The following TNPO2 variants were observed in gnomAD, a reference collection of about 807,000 sequenced individuals.
TNPO2 encodes transportin-2.
In TNPO2, 16 loss-of-function variants were observed where a neutral mutation model predicts 111.1. The ratio of observed to expected loss-of-function variants is 0.14; its 90% CI spans 0.10 to 0.22. The LOEUF is 0.22. TNPO2 is among the 10% of genes least tolerant of loss of function. The pLI, the probability that TNPO2 is intolerant of heterozygous loss-of-function variation, is 1.00. For missense variants in TNPO2, 530 were observed against 1,173.7 expected (o/e 0.45, Z 8.01); for synonymous variants, 481 against 475.8 (o/e 1.01, Z -0.14).
In TNPO2 at chr19:12,703,331, T is replaced by C. The variant is rs568082643; in HGVS notation, c.2209+97A>G. On this transcript the variant is annotated intron_variant, in intron 20 of 25. Transcript: ENST00000425528. ...CCACCCCTGACGACCCCCAAGAGACTTGCCTTGAAGGAAGCTGTCAGTCAG... is the reference window on the plus strand; with the variant it reads ...CCACCCCTGACGACCCCCAAGAGACCTGCCTTGAAGGAAGCTGTCAGTCAG... 5.2e-6 allele frequency: 6 copies of C among 1,146,892 alleles called. No homozygotes were observed. In the Admixed American group the frequency reaches 1.1e-4, roughly 22 times the overall value. 71.0% of individuals were successfully genotyped at this position (1,146,892 alleles called of 1,614,324 possible).
At position 12,706,143 on chromosome 19, in the gene TNPO2, T is replaced by C. The variant is rs764407309; in HGVS notation, c.1668+53A>G. The C allele has an allele frequency of 1.3e-6, 2 of 1,584,212 alleles. No individual in the cohort carries two copies. Among genetic ancestry groups the C allele is most frequent in the Non-Finnish European group, 1.7e-6 (2 of 1,165,092 alleles). On this transcript the variant is annotated intron_variant, in intron 15 of 25. Coordinates refer to ENST00000425528, the MANE Select transcript of TNPO2 (RefSeq NM_001382241.1). This position sits in a 1 kb window ranked among gnomAD's most constrained non-coding sequence, Gnocchi z 7.0. ...CAACACGGGGTTGCCACCAGGTCAC[T>C]GGATGCCCAGGGGCACGGGGATCGG... is the stretch of plus-strand genomic sequence containing the variant.
At chr19:12,703,398 G>T (rs769051775) in intron 20 of TNPO2, 30 bp downstream of exon 20, 1 of 1,596,704 alleles carries the variant, frequency 6.3e-7, no homozygotes, top group Non-Finnish European at 8.6e-7. Context: ...GCTAATGGGG[G>T]GCGCGTGTTG....
At chr19:12,710,096 C>G (rs28699005) in intron 13 of TNPO2, among the ~76,000 whole-genome samples, 20,260 of 152,014 alleles carry the variant, frequency 0.13, 4,052 homozygotes, top group African/African-American at 0.43. Flanking sequence ...GAAAACCCCA[C>G]CGATTACAGA....
rs1424915326 is a variant in TNPO2 at position 12,706,803 on chromosome 19, G to A, written c.1271-8C>T. 3.1e-6 allele frequency: 5 copies of A among 1,594,796 alleles called. No homozygotes were observed. The highest frequency in any genetic ancestry group is 1.3e-5 in the African/African-American group (1 of 74,486). ...CCATGCCCTGCATGCAGCCTACAAG[G>A]AAAGGGAACCAAGAGGGGGCAGTTT... On this transcript the variant is annotated splice_polypyrimidine_tract_variant and splice_region_variant and intron_variant, in intron 13 of 25. Coordinates refer to ENST00000425528, the MANE Select transcript of TNPO2 (RefSeq NM_001382241.1). The surrounding 1 kb of genome is among the most constrained non-coding windows in gnomAD (Gnocchi z 7.0).
chr19:12,709,220 G>A (rs564760581), intron 13 of TNPO2, among the ~76,000 whole-genome samples: 1 of 151,766 alleles, frequency 6.6e-6, no homozygotes, highest in South Asian at 2.1e-4. Context: ...AAATTAGCTG[G>A]GCGTGGTGGC....
chr19:12,713,090 A>C (rs1599421761), intron 10 of TNPO2, among the ~76,000 whole-genome samples: 1 of 152,166 alleles, frequency 6.6e-6, no homozygotes, highest in Non-Finnish European at 1.5e-5. Flanking sequence ...CACTCAGTGG[A>C]TTATAGACCC....
Position 12,719,373 on chromosome 19 carries a change from T to A in TNPO2, c.100-37A>T. On this transcript the variant is annotated intron_variant, in intron 3 of 25. Transcript: ENST00000425528. The surrounding 1 kb of genome is among the most constrained non-coding windows in gnomAD (Gnocchi z 5.0). ...TTAAGGGACTTGGAAGACAGAGGCC[T>A]TCCCCCAGCCAGGTCCCCTCATTAT... The A allele has an allele frequency of 6.3e-7, 1 of 1,587,678 alleles. No homozygotes were observed. Among genetic ancestry groups the A allele is most frequent in the Non-Finnish European group, 8.6e-7 (1 of 1,157,132 alleles).
chr19:12,710,261 C>G (rs2025962997), intron 13 of TNPO2, among the ~76,000 whole-genome samples: 1 of 152,190 alleles, frequency 6.6e-6, no homozygotes, highest in Non-Finnish European at 1.5e-5. Flanking sequence ...GTTTCCCCAT[C>G]TTCGAAACTG....
At chr19:12,703,329 A>C in intron 20 of TNPO2, 99 bp downstream of exon 20, 2 of 1,110,730 alleles carry the variant, frequency 1.8e-6, no homozygotes, top group Non-Finnish European at 2.7e-6. Context: ...CCCCCAAGAG[A>C]CTTGCCTTGA....
At chr19:12,712,729 G>T (rs543678542) in intron 10 of TNPO2, among the ~76,000 whole-genome samples, 79 of 152,268 alleles carry the variant, frequency 5.2e-4, no homozygotes, top group African/African-American at 1.6e-3. Flanking sequence ...CTTCTGCCTT[G>T]TATGCAATAA....
At chr19:12,712,783 G>A (rs981577359) in intron 10 of TNPO2, among the ~76,000 whole-genome samples, 11 of 152,146 alleles carry the variant, frequency 7.2e-5, no homozygotes, top group South Asian at 6.2e-4. Context: ...CGGTCTCCGC[G>A]CATTGGTGGT....
chr19:12,717,268 C>CTTTTTT (rs554725285), intron 5 of TNPO2, among the ~76,000 whole-genome samples: 2 of 122,370 alleles, frequency 1.6e-5, no homozygotes, highest in Non-Finnish European at 3.3e-5. Flanking sequence ...CTTTTTCTCT[C>CTTTTTT]TTTTTTTTTT....
Position 12,721,077 on chromosome 19 carries a change from A to C in TNPO2, c.-13-87T>G. 1 of 1,531,180 alleles carries C rather than the reference A, an allele frequency of 6.5e-7. No homozygotes were observed. The highest frequency in any genetic ancestry group is 8.7e-7 in the Non-Finnish European group (1 of 1,144,612). The allele number at this position is 1,531,180 out of a possible 1,614,324, so 94.8% of individuals were successfully genotyped here. A position where few individuals can be genotyped will look rare whatever the true frequency, so the allele number is the denominator to read the frequency against. ...GAGCCCCTGAGGCCGCGGTGGCCGC[A>C]TGACGACGGGAACGCCCTCGGCGGA... On this transcript the variant is annotated intron_variant, in intron 2 of 25. Transcript: ENST00000425528. This position sits in a 1 kb window ranked among gnomAD's most constrained non-coding sequence, Gnocchi z 4.9.
rs866781975 is a variant in TNPO2 at position 12,705,278 on chromosome 19, G to T, written c.1984C>A (p.Arg662Ser). The T allele has an allele frequency of 6.2e-7, 1 of 1,604,926 alleles. No individual in the cohort carries two copies. Among genetic ancestry groups the T allele is most frequent in the East Asian group, 2.2e-5 (1 of 44,472 alleles). Residue 662 changes from arginine (R) to serine (S), a missense_variant, in exon 18 of 26, where the codon CGC becomes AGC. Around this residue, in one of 4 missense-constraint regions of TNPO2, gnomAD observed 183 missense variants for 481.0 expected, o/e 0.38. Transcript: ENST00000425528. This position sits in a 1 kb window ranked among gnomAD's most constrained non-coding sequence, Gnocchi z 7.2. The stretch of plus-strand genomic sequence containing the variant: ...AACAGCAATGTCATGATGTTGCTGC[G>T]GGCCACCAGCTGCTCCACGTGACCA... ...LGGHVEQLVA[R>S]SNIMTLLFQC...
rs532319612 is a variant in TNPO2 at position 12,706,821 on chromosome 19, G to A, written c.1271-26C>T. 2 of 1,571,590 alleles carry A rather than the reference G, an allele frequency of 1.3e-6. No individual in the cohort carries two copies. Among genetic ancestry groups the A allele is most frequent in the East Asian group, 4.7e-5 (2 of 42,420 alleles). On this transcript the variant is annotated intron_variant, in intron 13 of 25. Transcript: ENST00000425528. The surrounding 1 kb of genome is among the most constrained non-coding windows in gnomAD (Gnocchi z 7.0). ...CTACAAGGAAAGGGAACCAAGAGGG[G>A]GCAGTTTGATTGGGCCCAGCCACAC... is the stretch of plus-strand genomic sequence containing the variant.
Position 12,706,430 on chromosome 19 carries a change from G to A in TNPO2, c.1497-63C>T. 1 of 1,602,876 alleles carries A rather than the reference G, an allele frequency of 6.2e-7. No individual in the cohort carries two copies. Among genetic ancestry groups the A allele is most frequent in the Non-Finnish European group, 8.5e-7 (1 of 1,170,322 alleles). ...CATGGCAGGTGACACTGGGCCATGG[G>A]CAGTTGGGGAGGGCAACTCAGGATC... On this transcript the variant is annotated intron_variant, in intron 14 of 25. Transcript: ENST00000425528. The surrounding 1 kb of genome is among the most constrained non-coding windows in gnomAD (Gnocchi z 7.0).
At chr19:12,713,889 G>A (rs1417847944) in intron 10 of TNPO2, among the ~76,000 whole-genome samples, 1 of 152,172 alleles carries the variant, frequency 6.6e-6, no homozygotes, top group East Asian at 1.9e-4. Context: ...GATTAGCTAG[G>A]TGTGGTGGGA....
In TNPO2 at chr19:12,711,590, C is replaced by T; in HGVS notation, c.914G>A (p.Gly305Glu). ...GATGTCAATTTCCGAGTACTTCATC[C>T]CATTCACCAAGATGGGGATCAACCT... ...LVQLIPILVN[G>E]MKYSEIDIIL... The change falls in exon 11 of 26, where the codon GGG becomes GAG. Residue 305 changes from glycine to glutamate, a missense_variant. This residue lies in a region of TNPO2 where 156 missense variants were observed against 405.8 expected (regional missense o/e 0.38). Transcript: ENST00000425528. 6.2e-7 allele frequency: 1 copy of T among 1,613,716 alleles called. No individual in the cohort carries two copies. The highest frequency in any genetic ancestry group is 8.5e-7 in the Non-Finnish European group (1 of 1,179,806).
chr19:12,709,862 T>C (rs2025941428), intron 13 of TNPO2, among the ~76,000 whole-genome samples: 1 of 152,116 alleles, frequency 6.6e-6, no homozygotes, highest in Admixed American at 6.6e-5. Context: ...AAAGCAGTTG[T>C]CCTGCTTCAG....
Sources: allele counts gnomAD v4.1 joint callset (sites outside exome capture counted in the v4.1 genomes callset), GRCh38; gene constraint gnomAD v4.1.1; regional missense constraint gnomAD v4.1.1; non-coding constraint Gnocchi (gnomAD v3.1); transcripts MANE v1.5; gene names NCBI Gene and HGNC (gene_info 2026-07-23, HGNC 2026-07-21).